CDK16: variants seen among roughly 807,000 people sequenced by gnomAD.
The protein encoded by CDK16 is cyclin-dependent kinase 16.
Under a neutral mutation model 41.6 loss-of-function variants are expected in CDK16, and 2 were observed. That is an observed-to-expected ratio of 0.05 (90% CI 0.02 to 0.15). The LOEUF is 0.15. Ranked by LOEUF, CDK16 falls within the 10% of genes least tolerant of loss-of-function variation. CDK16 has a pLI of 1.00. For missense variants in CDK16, 228 were observed against 428.9 expected, an observed-to-expected ratio of 0.53 and a Z score of 4.14; for synonymous variants, 169 against 169.7, an observed-to-expected ratio of 1.00 and a Z score of 0.03.
intron 1 of CDK16, among the ~76,000 whole-genome samples, chrX:47,221,127 T>C (rs368294398): frequency 1.8e-5 from 2 of 110,840 alleles, no homozygotes; most frequent in East Asian, 5.7e-4. Context: ...CGTGTATTAA[T>C]GGGGATCAGG....
At position 47,226,007 on chromosome X, in the gene CDK16, A is replaced by G; in HGVS notation, c.772A>G (p.Ile258Val). 8.3e-7 allele frequency: 1 copy of G among 1,201,717 alleles called. No homozygotes were observed. Among genetic ancestry groups the G allele is most frequent in the Non-Finnish European group, 1.1e-6 (1 of 890,005 alleles). The change falls in exon 8 of 16, where the codon ATC becomes GTC. Residue 258 changes from isoleucine (I) to valine (V), a missense_variant. By Grantham distance (29) the Ile-to-Val change is conservative. This residue lies in a region of CDK16 where 66 missense variants were observed against 197.2 expected (regional missense o/e 0.33). Transcript: ENST00000357227. ...GTACCTGGATGACTGTGGGAACATC[A>G]TCAACATGCACAACGTGAAAGTGGG... The part of the protein sequence containing the change: ...KQYLDDCGNI[I>V]NMHNVKLFLF...
At chrX:47,222,957 T>TC (rs757819833) in intron 1 of CDK16, 268 of 247,512 alleles carry the variant, frequency 1.1e-3, no homozygotes, top group African/African-American at 5.1e-3. Context: ...CACGCTCCCC[T>TC]CCCCCCCCCC....
intron 1 of CDK16, chrX:47,223,105 T>G (rs760889094): frequency 8.7e-7 from 1 of 1,154,207 alleles, no homozygotes; most frequent in African/African-American, 1.8e-5. Flanking sequence ...TATGCCACTC[T>G]ATGGCCGTGC....
intron 1 of CDK16, 86 bp downstream of exon 1, chrX:47,219,191 TG>T: frequency 1.3e-6 from 1 of 759,637 alleles, no homozygotes; most frequent in South Asian, 5.8e-5. Context: ...GCTGCGGGGC[TG>T]GCAGGTGCCC....
chrX:47,224,018 C>T (rs1479682459), intron 2 of CDK16, among the ~76,000 whole-genome samples: 1 of 111,553 alleles, frequency 9.0e-6, no homozygotes, highest in African/African-American at 3.3e-5. Flanking sequence ...CCCCAAGGCT[C>T]CCTCTGCCCT....
Position 47,223,546 on chromosome X carries a change from G to T in CDK16, c.-6-6G>T. Reference sequence around the variant, plus strand: ...AGACCCATTTCCATCCTTGTCCCTTGCTCAGATCGCCATGGATCGGATGAA... The same window carrying T: ...AGACCCATTTCCATCCTTGTCCCTTTCTCAGATCGCCATGGATCGGATGAA... On this transcript the variant is annotated splice_region_variant and splice_polypyrimidine_tract_variant and intron_variant, in intron 1 of 15. Transcript: ENST00000357227. 1 of 1,208,560 alleles carries T rather than the reference G, an allele frequency of 8.3e-7. No individual in the cohort carries two copies. The highest frequency in any genetic ancestry group is 1.1e-6 in the Non-Finnish European group (1 of 892,894).
At chrX:47,218,563 T>G, upstream of CDK16, 4 of 1,131,231 alleles carry the variant, frequency 3.5e-6, no homozygotes, top group Non-Finnish European at 4.7e-6. Flanking sequence ...TCCACAGTTC[T>G]CCCTGGTGCC....
At chrX:47,222,229 T>C (rs1937363111) in intron 1 of CDK16, 1 of 112,155 alleles carries the variant, frequency 8.9e-6, no homozygotes. Flanking sequence ...ATTTCTGCCA[T>C]AAGCACTTTT....
At chrX:47,225,204 C>T (rs1394269344) in intron 6 of CDK16, 102 bp downstream of exon 6, 2 of 519,640 alleles carry the variant, frequency 3.8e-6, no homozygotes, top group Non-Finnish European at 6.4e-6. Flanking sequence ...CCCCAAAACA[C>T]TCTGGCTTTC....
Position 47,228,904 on chromosome X carries a change from C to T in CDK16, c.*136C>T. 1 of 660,488 alleles carries T rather than the reference C, an allele frequency of 1.5e-6. No individual in the cohort carries two copies. The highest frequency in any genetic ancestry group is 2.4e-6 in the Non-Finnish European group (1 of 418,856). The allele number at this position is 660,488 out of a possible 1,213,427, so 54.4% of individuals were successfully genotyped here. A position where few individuals can be genotyped will look rare whatever the true frequency, so the allele number is the denominator to read the frequency against. The stretch of plus-strand genomic sequence containing the variant: ...TGTTCACCTGCCCACTTGTCCCCTG[C>T]TGCCTGCCCAAACACCCCACCATTG... On this transcript the variant is annotated 3_prime_UTR_variant, in exon 16 of 16. Transcript: ENST00000357227.
intron 1 of CDK16, among the ~76,000 whole-genome samples, chrX:47,220,442 G>A (rs1937289197): frequency 9.7e-6 from 1 of 102,740 alleles, no homozygotes; most frequent in East Asian, 3.0e-4. Flanking sequence ...TGATCTCGGT[G>A]TGCTAAAGTG....
rs1233319269 is a variant in CDK16, at chrX:47,218,928, GCCT to G, written c.-173_-171del. 2.4e-4 allele frequency: 246 copies of G among 1,018,504 alleles called. No individual in the cohort carries two copies. Among genetic ancestry groups the G allele is most frequent in the Non-Finnish European group, 2.9e-4 (229 of 800,866 alleles). 83.9% of individuals were successfully genotyped at this position (1,018,504 alleles called of 1,213,427 possible). A position where few individuals can be genotyped will look rare whatever the true frequency, so the allele number is the denominator to read the frequency against. ...CGCCTCAGCCACCGCCGCCGCCGCC[GCCT>G]CCTCCTCCTCAGCCGGCGGCGGCCC... On this transcript the variant is annotated 5_prime_UTR_variant, in exon 1 of 16. Coordinates refer to ENST00000357227, the MANE Select transcript of CDK16 (RefSeq NM_006201.5).
Position 47,219,051 on chromosome X carries a change from C to G in CDK16, c.-61C>G, listed in dbSNP as rs1343589093. On this transcript the variant is annotated 5_prime_UTR_variant, in exon 1 of 16. Transcript: ENST00000357227. ...CGCGGCCTCATCCCGGGCCGCCGCC[C>G]CAGGCGCCGCCGCGCCGGCCCCGCG... The G allele has an allele frequency of 6.1e-6, 5 of 820,394 alleles. No homozygotes were observed. In the African/African-American group the frequency reaches 1.1e-4, roughly 19 times the overall value. 67.6% of individuals were successfully genotyped at this position (820,394 alleles called of 1,213,427 possible).
chrX:47,224,537 ATGGTGGAGGAAC>A lies in CDK16; in HGVS notation c.336+23_336+34del. On this transcript the variant is annotated intron_variant, in intron 3 of 15. Transcript: ENST00000357227. Reference sequence around the variant, plus strand: ...CACTGAGGTGCTTGACCCCGTCTGGATGGTGGAGGAACTGGAAAAGGGGGTTGGACCTGGGGA... The same window carrying A: ...CACTGAGGTGCTTGACCCCGTCTGGATGGAAAAGGGGGTTGGACCTGGGGA... 8.3e-7 allele frequency: 1 copy of A among 1,205,326 alleles called. No homozygotes were observed. The highest frequency in any genetic ancestry group is 1.1e-6 in the Non-Finnish European group (1 of 891,790).
Position 47,224,903 on chromosome X carries a change from T to C in CDK16, c.519+13T>C, listed in dbSNP as rs1354760351. The C allele has an allele frequency of 8.3e-7, 1 of 1,207,245 alleles. No individual in the cohort carries two copies. The highest frequency in any genetic ancestry group is 2.2e-5 in the Admixed American group (1 of 45,625). ...CAAACTGGGCGAGGTGAGAGGCAAA[T>C]AGGAGGCCCATGGTGGGGATGAAGG... On this transcript the variant is annotated intron_variant, in intron 5 of 15. Transcript: ENST00000357227.
intron 1 of CDK16, among the ~76,000 whole-genome samples, chrX:47,220,574 G>A (rs1345992967): frequency 9.1e-6 from 1 of 109,690 alleles, no homozygotes; most frequent in African/African-American, 3.3e-5. Flanking sequence ...TGCGGAATAG[G>A]GCTGAGTAAG....
chrX:47,225,799 C>T lies in CDK16; in HGVS notation c.662C>T (p.Ala221Val). The T allele has an allele frequency of 8.3e-7, 1 of 1,210,872 alleles. No homozygotes were observed. The highest frequency in any genetic ancestry group is 1.1e-6 in the Non-Finnish European group (1 of 894,540). Residue 221 changes from alanine (A) to valine (V), a missense_variant, in exon 7 of 16, where the codon GCC becomes GTC. This residue lies in a region of CDK16 where 66 missense variants were observed against 197.2 expected (regional missense o/e 0.33). Transcript: ENST00000357227. ...EVSLLKDLKH[A>V]NIVTLHDIIH... ...TCCCTGCTCAAGGACCTCAAACACG[C>T]CAACATCGTTACGCTACATGACATT...
chrX:47,218,788 G>T lies in CDK16; in HGVS notation c.-324G>T. 8.7e-7 allele frequency: 1 copy of T among 1,153,217 alleles called. No individual in the cohort carries two copies. Among genetic ancestry groups the T allele is most frequent in the South Asian group, 1.9e-5 (1 of 52,574 alleles). ...GGGATCCGCCGCCACTCCGCGATCA[G>T]ACCGCTCTGTGCCGCGAGCCGCCGT... On this transcript the variant is annotated 5_prime_UTR_variant, in exon 1 of 16. Coordinates refer to ENST00000357227, the MANE Select transcript of CDK16 (RefSeq NM_006201.5).
intron 1 of CDK16, among the ~76,000 whole-genome samples, chrX:47,220,040 T>C (rs1556796693): frequency 9.1e-6 from 1 of 109,380 alleles, no homozygotes; most frequent in Non-Finnish European, 1.9e-5. Context: ...GTAAAGGTGA[T>C]GTGAGGTGTG....
Sources: allele counts gnomAD v4.1 joint callset (sites outside exome capture counted in the v4.1 genomes callset), GRCh38; gene constraint gnomAD v4.1.1; regional missense constraint gnomAD v4.1.1; transcripts MANE v1.5; gene names NCBI Gene and HGNC (gene_info 2026-07-23, HGNC 2026-07-21).